Variants in FAM83G observed in about 807,000 individuals in gnomAD.
FAM83G encodes protein FAM83G.
A neutral mutation model predicts 61.5 loss-of-function variants in FAM83G; 38 were observed. The observed-to-expected ratio is 0.62, with a 90% CI of 0.48 to 0.81. FAM83G has a LOEUF of 0.81. Ranked by LOEUF, FAM83G falls within the 30% of genes least tolerant of loss-of-function variation. The pLI is 0.00. For synonymous variants in FAM83G, 470 were observed against 476.1 expected (o/e 0.99, Z 0.17); for missense variants, 989 against 1,133.6 (o/e 0.87, Z 1.83).
Position 18,988,354 on chromosome 17 carries a change from C to A in FAM83G, c.583G>T (p.Ala195Ser). Reference protein sequence around the residue: ...DVDIFKDLLDAGFKRKVAVYI... With the variant: ...DVDIFKDLLDSGFKRKVAVYI... ...ACGGCCACTTTCCTCTTGAAGCCGG[C>A]GTCCAGCAGGTCCTTGAAGATGTCC... Residue 195 changes from alanine (A) to serine (S), a missense_variant, in exon 3 of 6, where the codon GCC becomes TCC. Transcript: ENST00000388995. The A allele has an allele frequency of 1.9e-6, 3 of 1,614,234 alleles. No homozygotes were observed. Among genetic ancestry groups the A allele is most frequent in the Non-Finnish European group, 2.5e-6 (3 of 1,180,042 alleles).
In FAM83G at chr17:18,970,595, T is replaced by C. The variant is rs746882533; in HGVS notation, c.*764A>G. Reference sequence around the variant, plus strand: ...CTCTGCTAAAATCACACCCTTCAGGTGATCAGGATGAACACTTTAGAAGCC... The same window carrying C: ...CTCTGCTAAAATCACACCCTTCAGGCGATCAGGATGAACACTTTAGAAGCC... On this transcript the variant is annotated 3_prime_UTR_variant, in exon 6 of 6. Coordinates refer to ENST00000388995, the MANE Select transcript of FAM83G (RefSeq NM_001039999.3). 20 of 221,256 alleles carry C rather than the reference T, an allele frequency of 9.0e-5. No individual in the cohort carries two copies. The highest frequency in any genetic ancestry group is 1.7e-4 in the Non-Finnish European group (19 of 109,982). The allele number at this position is 221,256 out of a possible 1,614,324, so 13.7% of individuals were successfully genotyped here.
chr17:18,978,320 A>T lies in FAM83G; in HGVS notation c.1346T>A (p.Ile449Asn). The change falls in exon 5 of 6, where the codon ATC (isoleucine) becomes AAC (asparagine). Residue 449 changes from isoleucine to asparagine, a missense_variant. This residue lies in a region of FAM83G where 574 missense variants were observed against 645.1 expected (regional missense o/e 0.89). Coordinates refer to ENST00000388995, the MANE Select transcript of FAM83G (RefSeq NM_001039999.3). ...PQPSQMNRIK[I>N]RDTSQASAQH... Reference sequence around the variant, plus strand: ...GGCGCTGGCCTGGGAGGTGTCACGGATCTTGATGCGGTTCATCTGGCTGGG... The same window carrying T: ...GGCGCTGGCCTGGGAGGTGTCACGGTTCTTGATGCGGTTCATCTGGCTGGG... 6.2e-7 allele frequency: 1 copy of T among 1,608,702 alleles called. No homozygotes were observed. Among genetic ancestry groups the T allele is most frequent in the East Asian group, 2.2e-5 (1 of 44,754 alleles).
rs1382428491 is a variant in FAM83G, at chr17:18,969,469, C to T, written c.*1890G>A. 3 of 1,563,184 alleles carry T rather than the reference C, an allele frequency of 1.9e-6. No homozygotes were observed. Among genetic ancestry groups the T allele is most frequent in the Admixed American group, 3.4e-5 (2 of 59,562 alleles). ...ATGGCGGGGCTGTCCCCACAGCGAG[C>T]CCTTTGGAGTCTGGCACTGCCCGGC... On this transcript the variant is annotated 3_prime_UTR_variant, in exon 6 of 6. Transcript: ENST00000388995.
At chr17:18,995,764 A>T (rs923570952) in intron 2 of FAM83G, among the ~76,000 whole-genome samples, 1 of 152,048 alleles carries the variant, frequency 6.6e-6, no homozygotes. Flanking sequence ...AAAAATTAGC[A>T]GGGCATAGTG....
At chr17:18,987,086 C>T (rs549543950) in intron 3 of FAM83G, among the ~76,000 whole-genome samples, 50 of 152,296 alleles carry the variant, frequency 3.3e-4, no homozygotes, top group African/African-American at 9.6e-4. Flanking sequence ...AGGGGGTGGG[C>T]GCGCCTGACA....
intron 5 of FAM83G, among the ~76,000 whole-genome samples, chr17:18,974,768 C>A (rs543932086): frequency 3.3e-5 from 5 of 152,238 alleles, no homozygotes; most frequent in Non-Finnish European, 7.3e-5. Flanking sequence ...CAACAACTCT[C>A]CTCATTTTGC....
At position 18,971,380 on chromosome 17, in the gene FAM83G, G is replaced by C; in HGVS notation, c.2451C>G (p.Pro817=). 6.2e-7 allele frequency: 1 copy of C among 1,608,004 alleles called. No individual in the cohort carries two copies. The highest frequency in any genetic ancestry group is 1.1e-5 in the South Asian group (1 of 90,790). The stretch of plus-strand genomic sequence containing the variant: ...GCTGCTAGGGGTCTTTGCGGTCCCG[G>C]GGGGCTTGAGCCCTCCGTTTAGAAT... ...SSDSKRRAQA[P]RDRKDP is the part of the protein sequence containing the mutation. The change falls in exon 6 of 6, where the codon CCC becomes CCG. Residue 817 remains proline, a synonymous_variant. Transcript: ENST00000388995. The surrounding 1 kb of genome is among the most constrained non-coding windows in gnomAD (Gnocchi z 5.5).
intron 2 of FAM83G, among the ~76,000 whole-genome samples, chr17:18,993,783 C>T (rs1350887585): frequency 6.6e-6 from 1 of 152,212 alleles, no homozygotes; most frequent in Non-Finnish European, 1.5e-5. Context: ...GGCTCTGCAC[C>T]CGCTGGCTCC....
In FAM83G at chr17:18,972,226, G is replaced by T. The variant is rs919281974; in HGVS notation, c.2083-478C>A. Among the ~76,000 whole-genome samples the T allele has an allele frequency of 3.3e-5, 5 of 152,340 alleles. 1 individual carries two copies. Among genetic ancestry groups the T allele is most frequent in the Admixed American group, 2.0e-4 (3 of 15,302 alleles). ...CAAAGGCCGTGGGCAGCTCCAGGGA[G>T]CATGGGGGTGGGAAAAGGCCTGTGA... On this transcript the variant is annotated intron_variant, in intron 5 of 5. Transcript: ENST00000388995.
At chr17:18,984,136 A>G (rs2043205711) in intron 3 of FAM83G, among the ~76,000 whole-genome samples, 1 of 152,016 alleles carries the variant, frequency 6.6e-6, no homozygotes, top group South Asian at 2.1e-4. Flanking sequence ...AGGTCAGCAG[A>G]TCGAGACCAT....
chr17:18,996,096 A>G lies in FAM83G; in HGVS notation c.522+7424T>C, dbSNP rs73306492. Among the ~76,000 whole-genome samples the G allele has an allele frequency of 0.093, 14,048 of 151,708 alleles. 1,204 individuals carry two copies. Among genetic ancestry groups the G allele is most frequent in the South Asian group, 0.32 (1,529 of 4,764 alleles). ...TGGACTTCTCATCAGAATCACTGCAAGCCACAAGACAACAGGCAATATCTT... is the reference window on the plus strand; with the variant it reads ...TGGACTTCTCATCAGAATCACTGCAGGCCACAAGACAACAGGCAATATCTT... On this transcript the variant is annotated intron_variant, in intron 2 of 5. Transcript: ENST00000388995. The surrounding 1 kb of genome is among the most constrained non-coding windows in gnomAD (Gnocchi z 4.4).
chr17:18,978,498 C>T lies in FAM83G; in HGVS notation c.1168G>A (p.Glu390Lys), dbSNP rs373050685. The change falls in exon 5 of 6, where the codon GAG (glutamate) becomes AAG (lysine). Residue 390 changes from glutamate to lysine, a missense_variant. Glu to Lys is a moderately conservative substitution (Grantham distance 56). Transcript: ENST00000388995. ...CCTGGGTGGATGGGTGGCAGCAGCT[C>T]GGGGAGTTCCCCTGGATGCTCAGCC... ...ALAEHPGELP[E>K]LLPPIHPGLL... 8.7e-6 allele frequency: 14 copies of T among 1,612,790 alleles called. No homozygotes were observed. Among genetic ancestry groups the T allele is most frequent in the African/African-American group, 8.0e-5 (6 of 74,900 alleles).
intron 3 of FAM83G, among the ~76,000 whole-genome samples, chr17:18,980,531 TC>T (rs1327879524): frequency 2.6e-5 from 4 of 152,130 alleles, no homozygotes; most frequent in Non-Finnish European, 5.9e-5. Flanking sequence ...GGGCCCTCTG[TC>T]CCAGTGTGGA....
At chr17:19,005,149 A>G (rs1377603205), upstream of FAM83G, among the ~76,000 whole-genome samples, 25 of 152,178 alleles carry the variant, frequency 1.6e-4, no homozygotes, top group Admixed American at 1.6e-3. Flanking sequence ...AGTTGTGGAA[A>G]CAGGTCTAGG....
At chr17:18,988,459 G>A (rs554281886) in intron 2 of FAM83G, 45 bp from the exon 3 acceptor site, 8 of 1,600,830 alleles carry the variant, frequency 5.0e-6, no homozygotes, top group South Asian at 1.1e-5. Context: ...CAGTGCAGCA[G>A]TGGGGACAGG....
intron 5 of FAM83G, chr17:18,976,189 A>AAAAAAAAAAAAAAAC (rs2042976050): frequency 6.6e-6 from 1 of 151,054 alleles, no homozygotes; most frequent in African/African-American, 2.4e-5. Context: ...CTCCGACTCA[A>AAAAAAAAAAAAAAAC]AAAAAAAGTA....
Position 19,003,437 on chromosome 17 carries a change from T to G in FAM83G, c.522+83A>C. 1.4e-6 allele frequency: 2 copies of G among 1,400,016 alleles called. No individual in the cohort carries two copies. 86.7% of individuals were successfully genotyped at this position (1,400,016 alleles called of 1,614,324 possible). A position where few individuals can be genotyped will look rare whatever the true frequency, so the allele number is the denominator to read the frequency against. ...CCTAGAAGCCCATGTTGGGCTCCCGTTTTGGGCTCTGAGTGAGCCTGTATT... is the reference window on the plus strand; with the variant it reads ...CCTAGAAGCCCATGTTGGGCTCCCGGTTTGGGCTCTGAGTGAGCCTGTATT... On this transcript the variant is annotated intron_variant, in intron 2 of 5. Transcript: ENST00000388995. This position sits in a 1 kb window ranked among gnomAD's most constrained non-coding sequence, Gnocchi z 4.5.
In FAM83G at chr17:18,981,775, C is replaced by G. The variant is rs113214947; in HGVS notation, c.691-2102G>C. 3.4e-3 allele frequency among the ~76,000 whole-genome samples: 519 copies of G among 152,350 alleles called. 2 individuals are homozygous for G. The highest frequency in any genetic ancestry group is 0.01 in the African/African-American group (433 of 41,580). ...CCCAGGGCCGCCCTCGCCGGCCCCC[C>G]ACCCCGCAGGCTGCAGGTTTGCACA... On this transcript the variant is annotated intron_variant, in intron 3 of 5. Transcript: ENST00000388995.
chr17:18,976,562 A>C, intron 5 of FAM83G: 2 of 377,420 alleles, frequency 5.3e-6, no homozygotes, highest in Non-Finnish European at 4.8e-6. Context: ...AGCCCTGACA[A>C]TTGCCAGGGG....
Sources: gnomAD v4.1 joint callset for allele counts (sites outside exome capture counted in the v4.1 genomes callset) on GRCh38, gnomAD v4.1.1 for gene constraint, gnomAD v4.1.1 regional missense constraint, Gnocchi (gnomAD v3.1) non-coding constraint, MANE v1.5 for transcripts, NCBI Gene and HGNC (gene_info 2026-07-23, HGNC 2026-07-21) for gene names.